Variants in ATR observed in about 807,000 individuals in gnomAD.
The protein encoded by ATR is serine/threonine-protein kinase ATR.
A neutral mutation model predicts 305.3 loss-of-function variants in ATR; 142 were observed. The observed-to-expected ratio is 0.47, with a 90% CI of 0.41 to 0.53. The LOEUF (loss-of-function observed/expected upper bound fraction) is 0.53, where lower values mean the gene tolerates loss of function less well. ATR is among the 20% of genes least tolerant of loss of function. The pLI is 0.00. For missense variants in ATR, 2,135 were observed against 3,133.1 expected, an observed-to-expected ratio of 0.68 and a Z score of 7.60; for synonymous variants, 1,050 against 1,068.1, an observed-to-expected ratio of 0.98 and a Z score of 0.33.
chr3:142,518,740 G>T (rs1305533072), intron 24 of ATR, among the ~76,000 whole-genome samples: 3 of 152,060 alleles, frequency 2.0e-5, no homozygotes, highest in Non-Finnish European at 4.4e-5. Context: ...GAAGTTATTT[G>T]TCCAAAGTCA....
chr3:142,549,712 T>C, intron 14 of ATR, 39 bp from the exon 15 acceptor site: 2 of 1,585,770 alleles, frequency 1.3e-6, no homozygotes, highest in Non-Finnish European at 1.7e-6. Flanking sequence ...AGTACATTTG[T>C]CTGGGTGAAA....
intron 34 of ATR, 30 bp downstream of exon 34, chr3:142,496,331 T>C (rs561712403): frequency 7.1e-6 from 4 of 561,662 alleles, no homozygotes; most frequent in African/African-American, 2.3e-5. Flanking sequence ...TATATATATA[T>C]ATATATGATG....
chr3:142,462,017 T>C lies in ATR; in HGVS notation c.7115A>G (p.Asp2372Gly). The C allele has an allele frequency of 6.2e-7, 1 of 1,613,400 alleles. No homozygotes were observed. The highest frequency in any genetic ancestry group is 8.5e-7 in the Non-Finnish European group (1 of 1,179,576). The change falls in exon 42 of 47, where the codon GAT (aspartate) becomes GGT (glycine). Residue 2372 changes from aspartate (D) to glycine (G), a missense_variant. By Grantham distance (94) the Asp-to-Gly change is moderately conservative (BLOSUM62 -1). Around this residue, in one of 9 missense-constraint regions of ATR, gnomAD observed 462 missense variants for 887.6 expected, o/e 0.52. Transcript: ENST00000350721. ...IRTYAVIPLNDECGIIEWVNN... is the reference protein window; with the variant it reads ...IRTYAVIPLNGECGIIEWVNN... ...CACCCATTCAATAATCCCACATTCA[T>C]CATTTAGTGGAATAACTGCATATGT...
In ATR at chr3:142,512,240, A is replaced by AT; in HGVS notation, c.4852+19_4852+20insA. On this transcript the variant is annotated intron_variant, in intron 27 of 46. Coordinates refer to ENST00000350721, the MANE Select transcript of ATR (RefSeq NM_001184.4). ...ATAGCTAAAAAAAAAAAAAAAAAAG[A>AT]AACAGAAGTGATAACTCACCCATTG... 6.4e-7 allele frequency: 1 copy of AT among 1,561,788 alleles called. No homozygotes were observed. Among genetic ancestry groups the AT allele is most frequent in the Non-Finnish European group, 8.8e-7 (1 of 1,142,812 alleles).
chr3:142,578,624 C>T (rs753276711), intron 1 of ATR, 22 bp downstream of exon 1: 1 of 1,608,676 alleles, frequency 6.2e-7, no homozygotes, highest in Non-Finnish European at 8.5e-7. Context: ...GGATGCAGGA[C>T]CCAGGCTGGG....
chr3:142,548,768 C>T (rs1417052637), intron 15 of ATR, among the ~76,000 whole-genome samples: 2 of 152,016 alleles, frequency 1.3e-5, no homozygotes, highest in South Asian at 4.1e-4. Context: ...CAATTTCTGA[C>T]ATGTATTAAA....
chr3:142,485,010 C>T, intron 36 of ATR, 130 bp downstream of exon 36: 1 of 1,346,630 alleles, frequency 7.4e-7, no homozygotes, highest in East Asian at 2.3e-5. Context: ...TACATCTTAT[C>T]TAAGGTGATA....
intron 13 of ATR, among the ~76,000 whole-genome samples, chr3:142,550,547 T>C (rs2034437442): frequency 6.6e-6 from 1 of 152,210 alleles, no homozygotes; most frequent in Admixed American, 6.5e-5. Flanking sequence ...ATAAATTCAG[T>C]ATTTTAGCAT....
chr3:142,466,584 A>T, intron 39 of ATR, 51 bp from the exon 40 acceptor site: 1 of 1,506,536 alleles, frequency 6.6e-7, no homozygotes. Flanking sequence ...AAATTCCACT[A>T]TAACAAAAAT....
rs186118386 is a variant in ATR, at chr3:142,553,297, C to T, written c.2735G>A (p.Arg912Lys). ...SVSGAAYTEIRALVAAKSVKL... is the reference protein window; with the variant it reads ...SVSGAAYTEIKALVAAKSVKL... ...AACACTTTTAGCTGCAACCAGAGCT[C>T]TAATTTCTGTGTATGCTGCTCCAGA... Residue 912 changes from arginine (R) to lysine (K), a missense_variant, in exon 13 of 47, where the codon AGA becomes AAA. Arg to Lys is a conservative substitution (Grantham distance 26). Coordinates refer to ENST00000350721, the MANE Select transcript of ATR (RefSeq NM_001184.4). 1.2e-6 allele frequency: 2 copies of T among 1,614,070 alleles called. No individual in the cohort carries two copies. The highest frequency in any genetic ancestry group is 4.5e-5 in the East Asian group (2 of 44,868).
At chr3:142,449,806 A>G (rs1419998359) in intron 46 of ATR, 2 of 586,706 alleles carry the variant, frequency 3.4e-6, no homozygotes, top group Non-Finnish European at 6.0e-6. Context: ...TTGATTCAAC[A>G]TCAACTGCTT....
chr3:142,457,997 T>C (rs946738801), intron 44 of ATR, among the ~76,000 whole-genome samples: 3 of 152,238 alleles, frequency 2.0e-5, no homozygotes, highest in African/African-American at 7.2e-5. Context: ...TACCTTTCAC[T>C]GAGTTTAGTA....
chr3:142,543,526 C>G (rs527560529), intron 16 of ATR, among the ~76,000 whole-genome samples: 1 of 147,496 alleles, frequency 6.8e-6, no homozygotes, highest in Admixed American at 6.8e-5. Context: ...TTTCTTTCTT[C>G]CTCTTTTACT....
Position 142,568,081 on chromosome 3 carries a change from G to A in ATR, c.133C>T (p.Leu45Phe). 2.5e-6 allele frequency: 4 copies of A among 1,610,370 alleles called. No individual in the cohort carries two copies. The highest frequency in any genetic ancestry group is 2.2e-5 in the South Asian group (2 of 90,502). ...TTCTTACCAACATTTACATCTGTAA[G>A]TATCCGGTCAATGAATTGACACAGA... ...QILCQFIDRI[L>F]TDVNVVAVEL... is the part of the protein sequence containing the mutation. The change falls in exon 2 of 47, where the codon CTT becomes TTT. Residue 45 changes from leucine (L) to phenylalanine (F), a missense_variant. Physicochemically the swap from Leu to Phe is conservative, Grantham distance 22 (BLOSUM62 0). Transcript: ENST00000350721.
At chr3:142,508,484 A>G (rs2032369536) in intron 27 of ATR, among the ~76,000 whole-genome samples, 1 of 152,226 alleles carries the variant, frequency 6.6e-6, no homozygotes, top group Non-Finnish European at 1.5e-5. Context: ...ATTATTTTTG[A>G]TGACTATAAA....
At chr3:142,511,036 T>A (rs1258973349) in intron 27 of ATR, among the ~76,000 whole-genome samples, 1 of 152,068 alleles carries the variant, frequency 6.6e-6, no homozygotes, top group East Asian at 1.9e-4. Context: ...TGGCTAGATA[T>A]CAAACACTAC....
At chr3:142,558,111 ATG>A (rs1325472414) in intron 8 of ATR, among the ~76,000 whole-genome samples, 2 of 152,188 alleles carry the variant, frequency 1.3e-5, no homozygotes, top group Non-Finnish European at 2.9e-5. Flanking sequence ...GCAGGCTTTT[ATG>A]TGTTACTTTT....
At chr3:142,556,225 G>T in intron 9 of ATR, 86 bp from the exon 10 acceptor site, 1 of 1,535,798 alleles carries the variant, frequency 6.5e-7, no homozygotes. Context: ...CAAAAGTACT[G>T]GTAAAACAAA....
chr3:142,530,084 C>T (rs988901581), intron 21 of ATR, among the ~76,000 whole-genome samples: 1 of 152,066 alleles, frequency 6.6e-6, no homozygotes, highest in Non-Finnish European at 1.5e-5. Flanking sequence ...ATTTCAACTA[C>T]TTTTTCTTTT....
Sources: gnomAD v4.1 joint callset for allele counts (sites outside exome capture counted in the v4.1 genomes callset) on GRCh38, gnomAD v4.1.1 for gene constraint, gnomAD v4.1.1 regional missense constraint, MANE v1.5 for transcripts, NCBI Gene and HGNC (gene_info 2026-07-23, HGNC 2026-07-21) for gene names.